MEAF6: variants seen among roughly 807,000 people sequenced by gnomAD.
MEAF6 encodes MYST/Esa1 associated factor 6, also known as chromatin modification-related protein MEAF6.
A neutral mutation model predicts 28.9 loss-of-function variants in MEAF6; 15 were observed. The ratio of observed to expected loss-of-function variants is 0.52; its 90% CI spans 0.35 to 0.80. The LOEUF (loss-of-function observed/expected upper bound fraction) is 0.80. MEAF6 is among the 30% of genes least tolerant of loss of function. The pLI is 0.01. For synonymous variants in MEAF6, 97 were observed against 88.7 expected (o/e 1.09, Z -0.53); for missense variants, 178 against 237.5 (o/e 0.75, Z 1.65).
intron 4 of MEAF6, among the ~76,000 whole-genome samples, chr1:37,502,897 G>A (rs894668852): frequency 1.3e-5 from 2 of 151,886 alleles, no homozygotes; most frequent in Admixed American, 6.6e-5. Flanking sequence ...TGAGATTACA[G>A]GCATGAGCCA....
At chr1:37,512,032 G>A (rs1642686954) in intron 2 of MEAF6, among the ~76,000 whole-genome samples, 1 of 152,132 alleles carries the variant, frequency 6.6e-6, no homozygotes, top group East Asian at 1.9e-4. Context: ...ACATTTAGGT[G>A]CAAAGTGTCA....
chr1:37,512,098 G>A (rs1642688766), intron 2 of MEAF6, among the ~76,000 whole-genome samples: 1 of 152,150 alleles, frequency 6.6e-6, no homozygotes, highest in South Asian at 2.1e-4. Flanking sequence ...AGGGGGACTG[G>A]GAGATATAAC....
intron 2 of MEAF6, 59 bp downstream of exon 2, chr1:37,513,364 G>T: frequency 1.5e-6 from 2 of 1,335,608 alleles, no homozygotes; most frequent in Non-Finnish European, 2.2e-6. Flanking sequence ...AGAGCATACA[G>T]TCCTAAAAAC....
At chr1:37,495,221 C>T (rs897667718) in intron 6 of MEAF6, among the ~76,000 whole-genome samples, 3 of 151,850 alleles carry the variant, frequency 2.0e-5, no homozygotes, top group African/African-American at 7.3e-5. Flanking sequence ...ATCCCAGCTA[C>T]TCAGGAGGCT....
Position 37,493,711 on chromosome 1 carries a change from G to T in MEAF6, c.*388C>A. 1 of 1,293,648 alleles carries T rather than the reference G, an allele frequency of 7.7e-7. No homozygotes were observed. Among genetic ancestry groups the T allele is most frequent in the Non-Finnish European group, 1.1e-6 (1 of 918,332 alleles). The allele number at this position is 1,293,648 out of a possible 1,614,324, so 80.1% of individuals were successfully genotyped here. The stretch of plus-strand genomic sequence containing the variant: ...GATATTTACAGCCTCCATCTGAAAT[G>T]TGACTTGTGTTCTACTTTCAGCATA... On this transcript the variant is annotated 3_prime_UTR_variant, in exon 7 of 7. Coordinates refer to ENST00000296214, the MANE Select transcript of MEAF6 (RefSeq NM_001270875.3).
chr1:37,494,210 T>C (rs1569948033), intron 6 of MEAF6, 103 bp from the exon 7 acceptor site: 2 of 946,388 alleles, frequency 2.1e-6, no homozygotes, highest in East Asian at 4.8e-5. Flanking sequence ...AGGGGACTGC[T>C]CTATAGCTAA....
At chr1:37,507,825 A>G (rs1422217903) in intron 4 of MEAF6, among the ~76,000 whole-genome samples, 26 of 138,972 alleles carry the variant, frequency 1.9e-4, no homozygotes, top group Admixed American at 1.4e-3. Context: ...ACTCCGTCTT[A>G]AAAAAAAAAA....
intron 4 of MEAF6, 148 bp from the exon 5 acceptor site, chr1:37,502,144 GTTGACAGAGAAGATACA>G: frequency 1.4e-5 from 1 of 71,736 alleles, no homozygotes; most frequent in Non-Finnish European, 3.3e-5. Context: ...GAAGATACAT[GTTGACAGAGAAGATACA>G]TACAAAGGAT....
intron 4 of MEAF6, among the ~76,000 whole-genome samples, chr1:37,502,917 G>T (rs186024900): frequency 3.2e-4 from 48 of 149,874 alleles, no homozygotes; most frequent in African/African-American, 1.1e-3. Context: ...ACCACACCCA[G>T]CCTGGTAAGT....
At chr1:37,508,342 G>A (rs61605574) in intron 4 of MEAF6, among the ~76,000 whole-genome samples, 28,672 of 131,136 alleles carry the variant, frequency 0.22, 3,263 homozygotes, top group East Asian at 0.37. Flanking sequence ...GCAGTGACAC[G>A]ATCATGGCTC....
chr1:37,504,026 T>C (rs1331686075), intron 4 of MEAF6, among the ~76,000 whole-genome samples: 1 of 152,222 alleles, frequency 6.6e-6, no homozygotes, highest in Non-Finnish European at 1.5e-5. Context: ...ACTCGAATTG[T>C]AATCCTCACA....
intron 5 of MEAF6, among the ~76,000 whole-genome samples, chr1:37,501,206 A>G (rs980892363): frequency 2.0e-5 from 3 of 152,180 alleles, no homozygotes; most frequent in African/African-American, 7.2e-5. Flanking sequence ...AACATGGTGC[A>G]CCAATGTTAC....
intron 5 of MEAF6, chr1:37,496,660 G>T: frequency 6.4e-7 from 1 of 1,554,052 alleles, no homozygotes; most frequent in Non-Finnish European, 8.8e-7. Context: ...GCATACTGGT[G>T]TCTACACACT....
Position 37,509,528 on chromosome 1 carries a change from T to C in MEAF6, c.221A>G (p.Lys74Arg), listed in dbSNP as rs1642595481. The change falls in exon 3 of 7, where the codon AAA becomes AGA. Residue 74 changes from lysine to arginine, a missense_variant. Around this residue, in one of 2 missense-constraint regions of MEAF6, gnomAD observed 124 missense variants for 200.5 expected, o/e 0.62. Coordinates refer to ENST00000296214, the MANE Select transcript of MEAF6 (RefSeq NM_001270875.3). ...AAACTTCCGGTTCCTTCGATCATTT[T>C]TGCTATTGGAGTTTCTAAAACACAG... ...YLTNQKNSNS[K>R]NDRRNRKFKE... is the part of the protein sequence containing the mutation. 1 of 1,613,950 alleles carries C rather than the reference T, an allele frequency of 6.2e-7. No homozygotes were observed. The highest frequency in any genetic ancestry group is 1.1e-5 in the South Asian group (1 of 91,064).
At position 37,505,572 on chromosome 1, in the gene MEAF6, G is replaced by C. The variant is rs547547176; in HGVS notation, c.341-3576C>G. ...AAAATTCTTCTTCCAATGTGGCCCAGAGAAACCAAAAGATTGGACTCCCTG... is the reference window on the plus strand; with the variant it reads ...AAAATTCTTCTTCCAATGTGGCCCACAGAAACCAAAAGATTGGACTCCCTG... On this transcript the variant is annotated intron_variant, in intron 4 of 6. Transcript: ENST00000296214. 3.9e-5 allele frequency among the ~76,000 whole-genome samples: 6 copies of C among 152,282 alleles called. No individual in the cohort carries two copies. The East Asian group carries it at 1.2e-3, about 29-fold the overall frequency.
At chr1:37,505,028 C>T (rs2148076802) in intron 4 of MEAF6, among the ~76,000 whole-genome samples, 1 of 151,962 alleles carries the variant, frequency 6.6e-6, no homozygotes, top group South Asian at 2.1e-4. Context: ...GGATTACAGG[C>T]ACCCACCACC....
Position 37,495,934 on chromosome 1 carries a change from T to C in MEAF6, c.534-16A>G, listed in dbSNP as rs1642118630. 1 of 1,611,272 alleles carries C rather than the reference T, an allele frequency of 6.2e-7. No individual in the cohort carries two copies. Among genetic ancestry groups the C allele is most frequent in the Non-Finnish European group, 8.5e-7 (1 of 1,177,636 alleles). On this transcript the variant is annotated splice_polypyrimidine_tract_variant and intron_variant, in intron 5 of 6. Coordinates refer to ENST00000296214, the MANE Select transcript of MEAF6 (RefSeq NM_001270875.3). ...CAGATCAATCCTGTGACAGAAAAGA[T>C]AAAAGATATTTCCATTTTAATTTAC...
At chr1:37,495,766 G>C (rs992908856) in intron 6 of MEAF6, 119 bp downstream of exon 6, 1 of 817,854 alleles carries the variant, frequency 1.2e-6, no homozygotes, top group Admixed American at 2.1e-5. Context: ...GGACACCCCA[G>C]ACTTTAAATC....
intron 4 of MEAF6, among the ~76,000 whole-genome samples, chr1:37,502,615 C>CTTTT (rs35429238): frequency 1.8e-5 from 2 of 109,688 alleles, no homozygotes; most frequent in Admixed American, 9.5e-5. Context: ...CCTCGTAAGT[C>CTTTT]TTTTTTTTTT....
Sources: allele counts gnomAD v4.1 joint callset (sites outside exome capture counted in the v4.1 genomes callset), GRCh38; gene constraint gnomAD v4.1.1; regional missense constraint gnomAD v4.1.1; transcripts MANE v1.5; gene names NCBI Gene and HGNC (gene_info 2026-07-23, HGNC 2026-07-21).